The following BPIFB2 variants were observed in gnomAD, a reference collection of about 807,000 sequenced individuals.
BPIFB2 encodes BPI fold-containing family B member 2.
A neutral mutation model predicts 50.1 loss-of-function variants in BPIFB2; 39 were observed. That is an observed-to-expected ratio of 0.78 (90% CI 0.60 to 1.02). The LOEUF (loss-of-function observed/expected upper bound fraction) is 1.02. Ranked by LOEUF, BPIFB2 falls within the 50% of genes least tolerant of loss-of-function variation. The probability of loss-of-function intolerance (pLI) is 0.00; values close to 1 mark genes in which losing one functional copy is unlikely to be tolerated. For missense variants in BPIFB2, 574 were observed against 585.8 expected (o/e 0.98, Z 0.21); for synonymous variants, 280 against 256.3 (o/e 1.09, Z -0.88).
intron 5 of BPIFB2, among the ~76,000 whole-genome samples, chr20:33,014,354 C>CCG (rs775026367): frequency 4.6e-5 from 7 of 152,224 alleles, no homozygotes; most frequent in Non-Finnish European, 1.0e-4. Context: ...GCAGGCCAGG[C>CCG]CGCTCCCTTC....
At chr20:33,014,074 A>G (rs1465935775) in intron 5 of BPIFB2, 118 bp downstream of exon 5, 2 of 1,309,922 alleles carry the variant, frequency 1.5e-6, no homozygotes, top group Non-Finnish European at 2.1e-6. Context: ...AGGGGCCCCC[A>G]TTATTGTGCT....
rs369118147 is a variant in BPIFB2, at chr20:33,019,756, T to C, written c.1080+6T>C. 11 of 1,588,236 alleles carry C rather than the reference T, an allele frequency of 6.9e-6. No individual in the cohort carries two copies. In the African/African-American group the frequency reaches 1.3e-4, roughly 19 times the overall value. ...CCCTCTTCTCCCTGGATGTGGTGAGTGCGGTGGGGCTGGTCGGAAGGCAGG... is the reference window on the plus strand; with the variant it reads ...CCCTCTTCTCCCTGGATGTGGTGAGCGCGGTGGGGCTGGTCGGAAGGCAGG... On this transcript the variant is annotated splice_donor_region_variant and intron_variant, in intron 11 of 15. Transcript: ENST00000170150.
intron 1 of BPIFB2, among the ~76,000 whole-genome samples, 191 bp from the exon 2 acceptor site, chr20:33,008,350 A>T (rs1281960188): frequency 6.6e-6 from 1 of 152,160 alleles, no homozygotes; most frequent in African/African-American, 2.4e-5. Flanking sequence ...GGACTCCCCC[A>T]TGATTCCTGA....
At chr20:33,020,786 A>C (rs56373649) in intron 13 of BPIFB2, among the ~76,000 whole-genome samples, 199 bp downstream of exon 13, 3,700 of 152,174 alleles carry the variant, frequency 0.024, 75 homozygotes, top group Non-Finnish European at 0.037. Context: ...ATGACTTGTC[A>C]CCCAGCCCTC....
chr20:33,013,927 C>T lies in BPIFB2; in HGVS notation c.426C>T (p.Gly142=). The T allele has an allele frequency of 1.2e-6, 2 of 1,613,808 alleles. No homozygotes were observed. Among genetic ancestry groups the T allele is most frequent in the Non-Finnish European group, 1.7e-6 (2 of 1,179,752 alleles). Residue 142 remains glycine, a synonymous_variant, in exon 5 of 16, where the codon GGC becomes GGT. Transcript: ENST00000170150. ...VSISACSLFS[G]HANEFDGSNS... ...TCTCTGCCTGCTCTTTATTCTCGGG[C>T]CACGCCAACGAGTTTGATGGCAGTA...
intron 2 of BPIFB2, 97 bp from the exon 3 acceptor site, chr20:33,010,927 C>A: frequency 9.4e-7 from 1 of 1,063,648 alleles, no homozygotes; most frequent in South Asian, 1.4e-5. Flanking sequence ...GTCTGAGTAC[C>A]CTCTGCCCAA....
intron 2 of BPIFB2, among the ~76,000 whole-genome samples, 161 bp downstream of exon 2, chr20:33,008,844 C>G (rs1307206814): frequency 1.3e-5 from 2 of 152,208 alleles, no homozygotes; most frequent in African/African-American, 2.4e-5. Flanking sequence ...CATGGCGCTG[C>G]TCAACAAATG....
chr20:33,015,826 C>T (rs988037395), intron 6 of BPIFB2, among the ~76,000 whole-genome samples: 3 of 151,946 alleles, frequency 2.0e-5, no homozygotes, highest in Non-Finnish European at 2.9e-5. Flanking sequence ...CGAGAGTGAA[C>T]GAGGGTGTGG....
chr20:33,013,664 G>A, intron 4 of BPIFB2, 146 bp from the exon 5 acceptor site: 2 of 1,203,082 alleles, frequency 1.7e-6, no homozygotes, highest in Non-Finnish European at 2.3e-6. Flanking sequence ...CCTGCCCCAG[G>A]TAGGGCCATC....
At position 33,023,630 on chromosome 20, in the gene BPIFB2, A is replaced by AG. The variant is rs1336210701; in HGVS notation, c.*248dup. 2 of 589,012 alleles carry AG rather than the reference A, an allele frequency of 3.4e-6. No individual in the cohort carries two copies. Among genetic ancestry groups the AG allele is most frequent in the Non-Finnish European group, 6.1e-6 (2 of 329,494 alleles). The allele number at this position is 589,012 out of a possible 1,614,324, so 36.5% of individuals were successfully genotyped here. ...CCCCCTCCTTCCTCTGCCCCACCCCAGCGGGGAGCAGACTGCTCCTCCAGG... is the reference window on the plus strand; with the variant it reads ...CCCCCTCCTTCCTCTGCCCCACCCCAGGCGGGGAGCAGACTGCTCCTCCAGG... On this transcript the variant is annotated 3_prime_UTR_variant, in exon 16 of 16. Coordinates refer to ENST00000170150, the MANE Select transcript of BPIFB2 (RefSeq NM_025227.3).
intron 14 of BPIFB2, 23 bp from the exon 15 acceptor site, chr20:33,021,699 TC>T (rs1568980114): frequency 1.2e-6 from 2 of 1,611,844 alleles, no homozygotes; most frequent in South Asian, 2.2e-5. Flanking sequence ...CAGGGGACGA[TC>T]CTTTCTTCTT....
In BPIFB2 at chr20:33,018,647, T is replaced by A; in HGVS notation, c.680T>A (p.Phe227Tyr). 6.2e-7 allele frequency: 1 copy of A among 1,612,464 alleles called. No homozygotes were observed. ...CTCCCACCCCTACAGGCTGTTCTCTTCCTGCTGGGCAAGCCCATCATCCTG... is the reference window on the plus strand; with the variant it reads ...CTCCCACCCCTACAGGCTGTTCTCTACCTGCTGGGCAAGCCCATCATCCTG... ...YISLEVNAVL[F>Y]LLGKPIILPT... The change falls in exon 9 of 16, where the codon TTC becomes TAC. Residue 227 changes from phenylalanine (F) to tyrosine (Y), a missense_variant. Coordinates refer to ENST00000170150, the MANE Select transcript of BPIFB2 (RefSeq NM_025227.3).
At chr20:33,011,373 A>G (rs1990286148) in intron 3 of BPIFB2, among the ~76,000 whole-genome samples, 1 of 152,220 alleles carries the variant, frequency 6.6e-6, no homozygotes, top group South Asian at 2.1e-4. Context: ...GGTGCCTCTG[A>G]ATTAGTGAAT....
chr20:33,023,406 A>G lies in BPIFB2; in HGVS notation c.*23A>G. ...TGAGGCAAGACCACTGGGAGGCCTG[A>G]GAGTGGGCCAGCTCGCTGCTCAGGC... On this transcript the variant is annotated 3_prime_UTR_variant, in exon 16 of 16. Transcript: ENST00000170150. The G allele has an allele frequency of 2.5e-6, 4 of 1,611,830 alleles. No homozygotes were observed. The highest frequency in any genetic ancestry group is 3.4e-6 in the Non-Finnish European group (4 of 1,177,936).
intron 6 of BPIFB2, 56 bp from the exon 7 acceptor site, chr20:33,016,986 C>A: frequency 6.6e-7 from 1 of 1,522,062 alleles, no homozygotes; most frequent in Non-Finnish European, 9.1e-7. Context: ...CAGCCTTGTG[C>A]CCTCCAGCCC....
chr20:33,016,063 C>G (rs954876193), intron 6 of BPIFB2, among the ~76,000 whole-genome samples: 1 of 152,118 alleles, frequency 6.6e-6, no homozygotes, highest in African/African-American at 2.4e-5. Flanking sequence ...GTGGAGCTGA[C>G]TTGGTGAGAG....
At chr20:33,008,137 G>A (rs1016866971) in intron 1 of BPIFB2, among the ~76,000 whole-genome samples, 1 of 152,200 alleles carries the variant, frequency 6.6e-6, no homozygotes, top group African/African-American at 2.4e-5. Flanking sequence ...CACCAAGCTG[G>A]CTGTCACACG....
intron 15 of BPIFB2, among the ~76,000 whole-genome samples, chr20:33,022,344 C>T (rs886607074): frequency 8.5e-5 from 13 of 152,220 alleles, no homozygotes; most frequent in East Asian, 1.9e-4. Context: ...CAATGTCTCA[C>T]GTGCTGTTCA....
At chr20:33,016,207 A>C (rs1199122078) in intron 6 of BPIFB2, among the ~76,000 whole-genome samples, 2 of 151,506 alleles carry the variant, frequency 1.3e-5, no homozygotes, top group African/African-American at 4.9e-5. Context: ...GCCACCCCAC[A>C]CCCCCCAGAG....
Sources: allele counts gnomAD v4.1 joint callset (sites outside exome capture counted in the v4.1 genomes callset), GRCh38; gene constraint gnomAD v4.1.1; transcripts MANE v1.5; gene names NCBI Gene and HGNC (gene_info 2026-07-23, HGNC 2026-07-21).